The following CD55 variants were observed in gnomAD, a reference collection of about 807,000 sequenced individuals.
CD55 encodes CD55 molecule (Cromer blood group), also known as complement decay-accelerating factor.
A neutral mutation model predicts 45.8 loss-of-function variants in CD55; 41 were observed. The observed-to-expected ratio is 0.90, with a 90% confidence interval of 0.70 to 1.16. The LOEUF (loss-of-function observed/expected upper bound fraction) is 1.16. Ranked by LOEUF, CD55 falls within the 50% of genes most tolerant of loss-of-function variation. The pLI, the probability that CD55 is intolerant of heterozygous loss-of-function variation, is 0.00. For missense variants in CD55, 416 were observed against 469.8 expected, an observed-to-expected ratio of 0.89 and a Z score of 1.06; for synonymous variants, 181 against 181.1, an observed-to-expected ratio of 1.00 and a Z score of 0.01.
Position 207,337,335 on chromosome 1 carries a change from G to A in CD55, c.986G>A (p.Arg329Gln), listed in dbSNP as rs761196857. 1.9e-5 allele frequency: 31 copies of A among 1,603,006 alleles called. No individual in the cohort carries two copies. Among genetic ancestry groups the A allele is most frequent in the South Asian group, 1.2e-4 (11 of 90,822 alleles). Residue 329 changes from arginine (R) to glutamine (Q), a missense_variant, in exon 8 of 10, where the codon CGG becomes CAG. By Grantham distance (43) the Arg-to-Gln change is conservative. Coordinates refer to ENST00000367064, the MANE Select transcript of CD55 (RefSeq NM_000574.5). Reference protein sequence around the residue: ...KTTTPNAQATRSTPVSRTTKH... With the variant: ...KTTTPNAQATQSTPVSRTTKH... ...CCTTCTGCTCATATTACAGCAACACGGAGTACACCTGTTTCCAGGACAACC... is the reference window on the plus strand; with the variant it reads ...CCTTCTGCTCATATTACAGCAACACAGAGTACACCTGTTTCCAGGACAACC...
At chr1:207,323,111 T>C (rs1312131355) in intron 2 of CD55, among the ~76,000 whole-genome samples, 1 of 151,930 alleles carries the variant, frequency 6.6e-6, no homozygotes, top group East Asian at 1.9e-4. Flanking sequence ...ATTCCAAATC[T>C]TCTCTTCTTG....
intron 5 of CD55, 23 bp downstream of exon 5, chr1:207,326,860 A>C (rs758918365): frequency 8.5e-6 from 13 of 1,531,794 alleles, no homozygotes; most frequent in Non-Finnish European, 1.2e-5. Context: ...AAATCTAAGC[A>C]CTCAGATTGT....
chr1:207,330,604 C>T (rs556929328), intron 5 of CD55, among the ~76,000 whole-genome samples: 1 of 152,260 alleles, frequency 6.6e-6, no homozygotes, highest in African/African-American at 2.4e-5. Flanking sequence ...ATACTTAACT[C>T]TTAAACATGC....
chr1:207,321,787 G>C lies in CD55; in HGVS notation c.22G>C (p.Val8Leu), dbSNP rs1572864526. 3.3e-6 allele frequency: 5 copies of C among 1,521,886 alleles called. No homozygotes were observed. Among genetic ancestry groups the C allele is most frequent in the Non-Finnish European group, 3.5e-6 (4 of 1,140,950 alleles). The allele number at this position is 1,521,886 out of a possible 1,614,324, so 94.3% of individuals were successfully genotyped here. A position where few individuals can be genotyped will look rare whatever the true frequency, so the allele number is the denominator to read the frequency against. The change falls in exon 1 of 10, where the codon GTG (valine) becomes CTG (leucine). Residue 8 changes from valine (V) to leucine (L), a missense_variant. Val to Leu is a conservative substitution (Grantham distance 32). Coordinates refer to ENST00000367064, the MANE Select transcript of CD55 (RefSeq NM_000574.5). Reference sequence around the variant, plus strand: ...CGCCATGACCGTCGCGCGGCCGAGCGTGCCCGCGGCGCTGCCCCTCCTCGG... The same window carrying C: ...CGCCATGACCGTCGCGCGGCCGAGCCTGCCCGCGGCGCTGCCCCTCCTCGG... MTVARPS[V>L]PAALPLLGEL...
At chr1:207,339,486 G>C in intron 9 of CD55, 69 bp downstream of exon 9, 1 of 1,155,146 alleles carries the variant, frequency 8.7e-7, no homozygotes, top group Non-Finnish European at 1.2e-6. Flanking sequence ...ATATTCCTGG[G>C]AGATAATATT....
intron 9 of CD55, chr1:207,340,712 A>C: frequency 2.0e-6 from 1 of 511,694 alleles, no homozygotes; most frequent in East Asian, 3.4e-5. Flanking sequence ...ACTTAAGATG[A>C]TTCCATATCT....
chr1:207,332,780 A>G (rs1488202053), intron 6 of CD55, among the ~76,000 whole-genome samples: 1 of 152,124 alleles, frequency 6.6e-6, no homozygotes, highest in Non-Finnish European at 1.5e-5. Context: ...ATTACCAAAA[A>G]ATTATATTTT....
chr1:207,356,376 G>T (rs1656075119), intron 9 of CD55, among the ~76,000 whole-genome samples: 1 of 152,040 alleles, frequency 6.6e-6, no homozygotes, highest in African/African-American at 2.4e-5. Context: ...CTTCATGTCT[G>T]TTTTTTCTCA....
In CD55 at chr1:207,321,746, T is replaced by C; in HGVS notation, c.-20T>C. Reference sequence around the variant, plus strand: ...TCGGCGGAGTCCCGGCGGCGCGTCCTTGTTCTAACCCGGCGCGCCATGACC... The same window carrying C: ...TCGGCGGAGTCCCGGCGGCGCGTCCCTGTTCTAACCCGGCGCGCCATGACC... On this transcript the variant is annotated 5_prime_UTR_variant, in exon 1 of 10. Coordinates refer to ENST00000367064, the MANE Select transcript of CD55 (RefSeq NM_000574.5). The C allele has an allele frequency of 8.0e-6, 12 of 1,497,874 alleles. No individual in the cohort carries two copies. The highest frequency in any genetic ancestry group is 9.7e-6 in the Non-Finnish European group (11 of 1,129,900). The allele number at this position is 1,497,874 out of a possible 1,614,324, so 92.8% of individuals were successfully genotyped here.
At chr1:207,342,605 T>G (rs1201785457) in intron 9 of CD55, among the ~76,000 whole-genome samples, 1 of 152,172 alleles carries the variant, frequency 6.6e-6, no homozygotes. Context: ...TGCTAATACT[T>G]TGCTGAGAAT....
chr1:207,322,215 A>G (rs767411897), intron 1 of CD55, 167 bp from the exon 2 acceptor site: 19 of 734,766 alleles, frequency 2.6e-5, no homozygotes, highest in African/African-American at 2.1e-4. Context: ...CAGACCGCTG[A>G]CCGTTCCCCA....
intron 9 of CD55, among the ~76,000 whole-genome samples, chr1:207,359,152 A>G (rs1572906866): frequency 6.6e-6 from 1 of 152,152 alleles, no homozygotes; most frequent in Non-Finnish European, 1.5e-5. Flanking sequence ...TGTATCTGTA[A>G]AACTTTCTGA....
chr1:207,331,078 AT>A, intron 5 of CD55, 29 bp from the exon 6 acceptor site: 1 of 1,483,246 alleles, frequency 6.7e-7, no homozygotes, highest in Non-Finnish European at 9.3e-7. Context: ...AGTTTTATTT[AT>A]TTAAAAGATG....
At chr1:207,334,939 C>T (rs1655103713) in intron 6 of CD55, among the ~76,000 whole-genome samples, 1 of 151,874 alleles carries the variant, frequency 6.6e-6, no homozygotes, top group Non-Finnish European at 1.5e-5. Flanking sequence ...AGTTTAATTA[C>T]AAGAACACAG....
intron 8 of CD55, 102 bp from the exon 9 acceptor site, chr1:207,339,295 G>T: frequency 1.3e-6 from 1 of 766,354 alleles, no homozygotes; most frequent in Non-Finnish European, 2.2e-6. Context: ...AGTTGCTTTC[G>T]AGTTTTCTAG....
chr1:207,326,812 G>A lies in CD55; in HGVS notation c.639G>A (p.Trp213Ter), dbSNP rs1391706310. Reference protein sequence around the residue: ...FCLISGSSVQWSDPLPECREI... With the variant: ...FCLISGSSVQ The stretch of plus-strand genomic sequence containing the variant: ...TTATTTCAGGCAGCTCTGTCCAGTG[G>A]AGTGACCCGTTGCCAGAGTGCAGAG... The change falls in exon 5 of 10, where the codon TGG becomes TGA. Residue 213 changes from tryptophan (W) to a stop codon, truncating the protein, a stop_gained. Transcript: ENST00000367064. LOFTEE classifies it high-confidence loss of function. The A allele has an allele frequency of 3.1e-6, 5 of 1,613,810 alleles. No individual in the cohort carries two copies. The East Asian group carries it at 6.7e-5, about 22-fold the overall frequency.
intron 5 of CD55, among the ~76,000 whole-genome samples, chr1:207,330,330 TA>T (rs77892308): frequency 0.017 from 2,395 of 144,086 alleles, 65 homozygotes; most frequent in African/African-American, 0.054. Flanking sequence ...CCTTCATTCT[TA>T]AAAAAAAAAA....
chr1:207,334,056 TCTCTGA>T (rs1455462771), intron 6 of CD55, among the ~76,000 whole-genome samples: 1 of 152,042 alleles, frequency 6.6e-6, no homozygotes, highest in Non-Finnish European at 1.5e-5. Flanking sequence ...TTCAAGAAGC[TCTCTGA>T]CTCTAAGCTG....
intron 9 of CD55, among the ~76,000 whole-genome samples, chr1:207,345,536 T>A (rs1429999543): frequency 6.6e-6 from 1 of 152,160 alleles, no homozygotes; most frequent in Non-Finnish European, 1.5e-5. Context: ...TGAGCTTTTT[T>A]AATATCACAA....
Sources: allele counts gnomAD v4.1 joint callset (sites outside exome capture counted in the v4.1 genomes callset), GRCh38; gene constraint gnomAD v4.1.1; transcripts MANE v1.5; gene names NCBI Gene and HGNC (gene_info 2026-07-23, HGNC 2026-07-21).